Variants in ASAP1 observed in about 807,000 individuals in gnomAD.
ASAP1 encodes ArfGAP with SH3 domain, ankyrin repeat and PH domain 1.
A neutral mutation model predicts 145.2 loss-of-function variants in ASAP1; 43 were observed. The observed-to-expected ratio is 0.30, with a 90% confidence interval of 0.23 to 0.38. The LOEUF (loss-of-function observed/expected upper bound fraction) is 0.38. Among genes scored for constraint, ASAP1 ranks in the 10% least tolerant of loss-of-function variants. The pLI is 1.00. For missense variants in ASAP1, 1,018 were observed against 1,355.3 expected, an observed-to-expected ratio of 0.75 and a Z score of 3.91; for synonymous variants, 546 against 515.5, an observed-to-expected ratio of 1.06 and a Z score of -0.80.
chr8:130,262,392 CAAAAAAAAA>C (rs1204651464), intron 3 of ASAP1, among the ~76,000 whole-genome samples: 1 of 35,732 alleles, frequency 2.8e-5, no homozygotes, highest in Non-Finnish European at 4.5e-5. Flanking sequence ...GACTCCATCT[CAAAAAAAAA>C]AAAAAAAAAA....
intron 23 of ASAP1, among the ~76,000 whole-genome samples, chr8:130,113,534 G>A (rs928928391): frequency 6.6e-6 from 1 of 152,116 alleles, no homozygotes; most frequent in Non-Finnish European, 1.5e-5. Context: ...AAGGCTTGAG[G>A]ACCTCTTTGG....
intron 27 of ASAP1, among the ~76,000 whole-genome samples, chr8:130,076,047 C>T (rs1297598128): frequency 2.0e-5 from 3 of 152,134 alleles, no homozygotes; most frequent in Admixed American, 6.5e-5. Context: ...GGTGTTGGTT[C>T]CCAAGTCTCT....
chr8:130,181,690 G>A (rs946735457), intron 7 of ASAP1, among the ~76,000 whole-genome samples: 2 of 152,176 alleles, frequency 1.3e-5, no homozygotes, highest in Non-Finnish European at 2.9e-5. Flanking sequence ...GGGGAAACGA[G>A]GTGATAAAGA....
At chr8:130,274,255 A>T (rs2137104452) in intron 3 of ASAP1, among the ~76,000 whole-genome samples, 1 of 152,328 alleles carries the variant, frequency 6.6e-6, no homozygotes, top group African/African-American at 2.4e-5. Context: ...TACTATGAAG[A>T]TGGAAGAAGT....
chr8:130,337,595 A>G (rs577632738), intron 3 of ASAP1, among the ~76,000 whole-genome samples: 1 of 152,372 alleles, frequency 6.6e-6, no homozygotes, highest in East Asian at 1.9e-4. Context: ...TTGGTTATGT[A>G]TAGATGGGGG....
chr8:130,314,641 G>C (rs1823558887), intron 3 of ASAP1, among the ~76,000 whole-genome samples: 1 of 152,212 alleles, frequency 6.6e-6, no homozygotes, highest in Non-Finnish European at 1.5e-5. Flanking sequence ...AGCATGCTGC[G>C]CTTCCCAGTG....
At chr8:130,135,528 C>CA (rs78156447) in intron 14 of ASAP1, among the ~76,000 whole-genome samples, 1 of 151,844 alleles carries the variant, frequency 6.6e-6, no homozygotes, top group African/African-American at 2.4e-5. Flanking sequence ...CAAAACAAAA[C>CA]AAAAAAAAGA....
intron 3 of ASAP1, among the ~76,000 whole-genome samples, chr8:130,238,412 G>C (rs1356502654): frequency 6.6e-6 from 1 of 152,054 alleles, no homozygotes; most frequent in African/African-American, 2.4e-5. Context: ...TTTGCTTCCA[G>C]CTGTTCCCAA....
At chr8:130,254,893 T>C (rs1400560776) in intron 3 of ASAP1, among the ~76,000 whole-genome samples, 1 of 152,182 alleles carries the variant, frequency 6.6e-6, no homozygotes, top group East Asian at 1.9e-4. Flanking sequence ...CAAATGATAT[T>C]ACCATTATTC....
At chr8:130,275,491 C>G (rs1220306354) in intron 3 of ASAP1, among the ~76,000 whole-genome samples, 1 of 152,178 alleles carries the variant, frequency 6.6e-6, no homozygotes. Flanking sequence ...AAGCTCTCCT[C>G]CTGGCTAGCC....
chr8:130,283,260 GAAAC>G (rs570711863), intron 3 of ASAP1, among the ~76,000 whole-genome samples: 86 of 151,442 alleles, frequency 5.7e-4, no homozygotes, highest in East Asian at 1.4e-3. Flanking sequence ...AGGATGCCAG[GAAAC>G]AAACAAACAA....
chr8:130,428,588 CCATCATCACCACTATCACCAT>C (rs1488504837), intron 1 of ASAP1, among the ~76,000 whole-genome samples: 2 of 144,030 alleles, frequency 1.4e-5, no homozygotes, highest in African/African-American at 5.2e-5. Context: ...ATCATCAACT[CCATCATCACCACTATCACCAT>C]CATCATCACC....
chr8:130,135,755 G>T (rs2135808924), intron 14 of ASAP1, among the ~76,000 whole-genome samples: 1 of 152,300 alleles, frequency 6.6e-6, no homozygotes, highest in South Asian at 2.1e-4. Context: ...ATAACCTACA[G>T]ACTCTCATAA....
In ASAP1 at chr8:130,133,905, G is replaced by A. The variant is rs73425381; in HGVS notation, c.1217+391C>T. Among the ~76,000 whole-genome samples the A allele has an allele frequency of 6.5e-3, 991 of 152,294 alleles. 8 individuals carry two copies. Among genetic ancestry groups the A allele is most frequent in the African/African-American group, 0.023 (960 of 41,570 alleles). On this transcript the variant is annotated intron_variant, in intron 15 of 29. Coordinates refer to ENST00000518721, the MANE Select transcript of ASAP1 (RefSeq NM_018482.4). ...TTTGGCCACCAAAAACTGAGCAAAG[G>A]CCCCTCCTGAGGGCAAGGGATGTGA...
chr8:130,207,559 AG>A (rs1223759825), intron 5 of ASAP1, among the ~76,000 whole-genome samples: 1 of 152,208 alleles, frequency 6.6e-6, no homozygotes, highest in Non-Finnish European at 1.5e-5. Flanking sequence ...GAACACAAGG[AG>A]GGATTACTAA....
intron 24 of ASAP1, among the ~76,000 whole-genome samples, chr8:130,111,399 A>G (rs2097546628): frequency 1.3e-5 from 2 of 152,050 alleles, no homozygotes; most frequent in South Asian, 4.2e-4. Flanking sequence ...AATGTTCCTT[A>G]TTAGAGAGTA....
At chr8:130,136,307 C>T (rs1252297013) in intron 14 of ASAP1, among the ~76,000 whole-genome samples, 3 of 152,140 alleles carry the variant, frequency 2.0e-5, no homozygotes, top group South Asian at 4.1e-4. Flanking sequence ...TAGCTCATTA[C>T]GCTCTCTCAT....
At chr8:130,435,802 A>C (rs1830291454) in intron 1 of ASAP1, among the ~76,000 whole-genome samples, 2 of 152,236 alleles carry the variant, frequency 1.3e-5, no homozygotes, top group Admixed American at 1.3e-4. Flanking sequence ...TGAGTAAGGA[A>C]AAAAGGCTTC....
chr8:130,153,728 G>A (rs2097652404), intron 12 of ASAP1, among the ~76,000 whole-genome samples: 1 of 151,964 alleles, frequency 6.6e-6, no homozygotes, highest in South Asian at 2.1e-4. Context: ...AACAGCAGGA[G>A]ACTCAATAAA....
Sources: allele counts gnomAD v4.1 joint callset (sites outside exome capture counted in the v4.1 genomes callset), GRCh38; gene constraint gnomAD v4.1.1; transcripts MANE v1.5; gene names NCBI Gene and HGNC (gene_info 2026-07-23, HGNC 2026-07-21).